The following GREM2 variants were observed in gnomAD, a reference collection of about 807,000 sequenced individuals.
GREM2 encodes the protein gremlin-2.
Under a neutral mutation model 14.2 loss-of-function variants are expected in GREM2, and 11 were observed. The observed-to-expected ratio is 0.78, with a 90% CI of 0.49 to 1.28. GREM2 has a LOEUF of 1.28. Ranked by LOEUF, GREM2 falls within the 50% of genes most tolerant of loss-of-function variation. GREM2 has a pLI of 0.00. For synonymous variants in GREM2, 98 were observed against 97.6 expected, an observed-to-expected ratio of 1.00 and a Z score of -0.02; for missense variants, 210 against 218.5, an observed-to-expected ratio of 0.96 and a Z score of 0.24.
intron 1 of GREM2, among the ~76,000 whole-genome samples, chr1:240,590,038 A>G (rs1171277815): frequency 2.0e-5 from 3 of 152,170 alleles, no homozygotes; most frequent in Non-Finnish European, 2.9e-5. Context: ...AGATGTGTGT[A>G]CAGTGAGATG....
intron 1 of GREM2, among the ~76,000 whole-genome samples, chr1:240,544,230 T>C (rs1280990298): frequency 3.3e-5 from 5 of 150,782 alleles, no homozygotes; most frequent in Admixed American, 1.3e-4. Context: ...TCACTGTAAG[T>C]TCCGCCTCCT....
chr1:240,493,053 G>A lies in GREM2; in HGVS notation c.423C>T (p.Asp141=). The change falls in exon 2 of 2, where the codon GAC becomes GAT. Residue 141 remains aspartate, a synonymous_variant. Coordinates refer to ENST00000318160, the MANE Select transcript of GREM2 (RefSeq NM_022469.4). ...GGATTTTCTTGAGTCGGAAGGGTGGGTCCAGGCCGGGGCACTCGAGCTCCA... is the reference window on the plus strand; with the variant it reads ...GGATTTTCTTGAGTCGGAAGGGTGGATCCAGGCCGGGGCACTCGAGCTCCA... The part of the protein sequence containing the change: ...VLVELECPGL[D]PPFRLKKIQK... 1 of 1,611,466 alleles carries A rather than the reference G, an allele frequency of 6.2e-7. No homozygotes were observed. The highest frequency in any genetic ancestry group is 8.5e-7 in the Non-Finnish European group (1 of 1,178,014).
intron 1 of GREM2, among the ~76,000 whole-genome samples, chr1:240,495,128 T>A (rs1252061638): frequency 6.6e-6 from 1 of 152,256 alleles, no homozygotes; most frequent in Non-Finnish European, 1.5e-5. Flanking sequence ...ATTCACATTT[T>A]AAATTTTTGT....
chr1:240,571,180 C>G (rs1679254500), intron 1 of GREM2, among the ~76,000 whole-genome samples: 1 of 152,018 alleles, frequency 6.6e-6, no homozygotes, highest in African/African-American at 2.4e-5. Flanking sequence ...TAACTATATT[C>G]AACTTAAAAA....
At chr1:240,595,058 C>A (rs570884767) in intron 1 of GREM2, among the ~76,000 whole-genome samples, 2 of 152,162 alleles carry the variant, frequency 1.3e-5, no homozygotes, top group Non-Finnish European at 1.5e-5. Context: ...ATAAACAAGG[C>A]AATCTAATAC....
In GREM2 at chr1:240,597,375, C is replaced by CA. The variant is rs1209600266; in HGVS notation, c.-2+14508dup. On this transcript the variant is annotated intron_variant, in intron 1 of 1. Coordinates refer to ENST00000318160, the MANE Select transcript of GREM2 (RefSeq NM_022469.4). ...TTTCACAGCAGAGCTGCTATGCTGTCACGACAACAAAACTAAACTGCTAAG... is the reference window on the plus strand; with the variant it reads ...TTTCACAGCAGAGCTGCTATGCTGTCAACGACAACAAAACTAAACTGCTAAG... Among the ~76,000 whole-genome samples the CA allele has an allele frequency of 1.3e-4, 20 of 152,194 alleles. 1 individual carries two copies. Among genetic ancestry groups the CA allele is most frequent in the Non-Finnish European group, 2.9e-5 (2 of 68,030 alleles).
At chr1:240,563,481 C>G (rs1679114993) in intron 1 of GREM2, among the ~76,000 whole-genome samples, 2 of 152,144 alleles carry the variant, frequency 1.3e-5, no homozygotes, top group African/African-American at 4.8e-5. Flanking sequence ...TAGACAAGAA[C>G]AGAATAGCTG....
intron 1 of GREM2, among the ~76,000 whole-genome samples, chr1:240,539,182 T>C (rs1368523457): frequency 6.6e-6 from 1 of 152,198 alleles, no homozygotes; most frequent in Non-Finnish European, 1.5e-5. Context: ...CCATTCTTAC[T>C]TACCATCCCT....
chr1:240,565,279 T>A (rs944237065), intron 1 of GREM2, among the ~76,000 whole-genome samples: 2 of 152,196 alleles, frequency 1.3e-5, no homozygotes, highest in Non-Finnish European at 2.9e-5. Context: ...TACTATAATG[T>A]CATATCTTCA....
At chr1:240,537,678 G>A (rs1360734226) in intron 1 of GREM2, among the ~76,000 whole-genome samples, 5 of 152,060 alleles carry the variant, frequency 3.3e-5, no homozygotes, top group Admixed American at 1.3e-4. Context: ...CCAGCTACTC[G>A]GGAGGCTGAG....
chr1:240,577,129 T>C (rs1679388074), intron 1 of GREM2, among the ~76,000 whole-genome samples: 1 of 152,216 alleles, frequency 6.6e-6, no homozygotes, highest in South Asian at 2.1e-4. Context: ...CTTTACCAAG[T>C]CATGCAAAGC....
intron 1 of GREM2, among the ~76,000 whole-genome samples, chr1:240,565,627 G>T (rs750542663): frequency 6.6e-6 from 1 of 151,956 alleles, no homozygotes; most frequent in Non-Finnish European, 1.5e-5. Flanking sequence ...TGGGCAGACT[G>T]CCTGAGCTCA....
At chr1:240,553,618 A>G (rs1678898208) in intron 1 of GREM2, among the ~76,000 whole-genome samples, 1 of 152,232 alleles carries the variant, frequency 6.6e-6, no homozygotes. Flanking sequence ...GTGAGGTCTT[A>G]AGCTTGCCAT....
chr1:240,537,936 C>A (rs2103322597), intron 1 of GREM2, among the ~76,000 whole-genome samples: 1 of 152,318 alleles, frequency 6.6e-6, no homozygotes, highest in South Asian at 2.1e-4. Flanking sequence ...CCTGTAGAAC[C>A]TTGCTTCAGA....
chr1:240,546,589 G>C (rs1397768193), intron 1 of GREM2, among the ~76,000 whole-genome samples: 1 of 152,170 alleles, frequency 6.6e-6, no homozygotes, highest in Non-Finnish European at 1.5e-5. Context: ...GTAGTTGTTA[G>C]ATTGAACTAA....
chr1:240,545,505 A>C (rs199779323), intron 1 of GREM2, among the ~76,000 whole-genome samples: 75,844 of 151,718 alleles, frequency 0.5, 20,872 homozygotes, highest in African/African-American at 0.74. Flanking sequence ...CAAATTGTAC[A>C]AATTGTACAA....
chr1:240,577,184 G>A (rs745640050), intron 1 of GREM2, among the ~76,000 whole-genome samples: 27 of 152,086 alleles, frequency 1.8e-4, no homozygotes, highest in Non-Finnish European at 2.6e-4. Context: ...TGCTGGCAGC[G>A]TCGAGATCAA....
intron 1 of GREM2, among the ~76,000 whole-genome samples, chr1:240,579,646 G>A (rs1027024361): frequency 3.3e-5 from 5 of 152,156 alleles, no homozygotes; most frequent in Admixed American, 6.5e-5. Flanking sequence ...CTCTCTACAT[G>A]AGTAACTATA....
At chr1:240,507,388 T>C (rs1197809307) in intron 1 of GREM2, among the ~76,000 whole-genome samples, 3 of 150,922 alleles carry the variant, frequency 2.0e-5, no homozygotes, top group Non-Finnish European at 4.4e-5. Context: ...TGGAGTGCAG[T>C]GGTGCAATCT....
Sources: allele counts gnomAD v4.1 joint callset (sites outside exome capture counted in the v4.1 genomes callset), GRCh38; gene constraint gnomAD v4.1.1; transcripts MANE v1.5; gene names NCBI Gene and HGNC (gene_info 2026-07-23, HGNC 2026-07-21).